The following RBFOX1 variants were observed in gnomAD, a reference collection of about 807,000 sequenced individuals.
RBFOX1 encodes the protein RNA binding fox-1 homolog 1, also known as RNA binding protein fox-1 homolog 1.
A neutral mutation model predicts 57.7 loss-of-function variants in RBFOX1; 8 were observed. That is an observed-to-expected ratio of 0.14 (90% CI 0.08 to 0.25). The LOEUF (loss-of-function observed/expected upper bound fraction) is 0.25, where lower values mean the gene tolerates loss of function less well. RBFOX1 is among the 10% of genes least tolerant of loss of function. RBFOX1 has a pLI of 1.00. For synonymous variants in RBFOX1, 326 were observed against 222.4 expected (o/e 1.47, Z -4.15); for missense variants, 611 against 548.5 (o/e 1.11, Z -1.14).
intron 1 of RBFOX1, among the ~76,000 whole-genome samples, chr16:5,240,823 C>A (rs1194746673): frequency 6.6e-6 from 1 of 152,152 alleles, no homozygotes; most frequent in Non-Finnish European, 1.5e-5. Flanking sequence ...AGCCTGGCCT[C>A]CTGGGGTTCA....
intron 3 of RBFOX1, among the ~76,000 whole-genome samples, chr16:6,815,348 C>G (rs774744059): frequency 3.3e-5 from 5 of 152,150 alleles, no homozygotes; most frequent in Non-Finnish European, 7.3e-5. Flanking sequence ...CTGTCTCATC[C>G]TGTGACTAAG....
intron 4 of RBFOX1, among the ~76,000 whole-genome samples, chr16:7,425,765 G>C (rs1052634405): frequency 2.0e-5 from 3 of 152,174 alleles, no homozygotes; most frequent in Non-Finnish European, 2.9e-5. Context: ...ATCCTCCCTT[G>C]AACTGGGGAG....
chr16:7,558,802 C>T (rs1339477951), intron 5 of RBFOX1, among the ~76,000 whole-genome samples: 1 of 152,108 alleles, frequency 6.6e-6, no homozygotes, highest in African/African-American at 2.4e-5. Flanking sequence ...TGAGCCAATG[C>T]CATAAGCCTT....
chr16:6,717,662 T>G (rs1433553599), intron 3 of RBFOX1, among the ~76,000 whole-genome samples: 1 of 151,986 alleles, frequency 6.6e-6, no homozygotes, highest in African/African-American at 2.4e-5. Context: ...GCTCAGCAAG[T>G]GTCTTCAGAG....
chr16:6,111,634 A>G (rs1027774227), intron 1 of RBFOX1, among the ~76,000 whole-genome samples: 3 of 152,222 alleles, frequency 2.0e-5, no homozygotes, highest in Admixed American at 1.3e-4. Flanking sequence ...AATGTGAGTC[A>G]TTGGCGGTAA....
chr16:7,168,720 T>A lies in RBFOX1; in HGVS notation c.27+116622T>A, dbSNP rs191963623. 3.9e-3 allele frequency among the ~76,000 whole-genome samples: 591 copies of A among 152,314 alleles called. 1 individual carries two copies. Among genetic ancestry groups the A allele is most frequent in the Non-Finnish European group, 5.7e-3 (385 of 68,034 alleles). Reference sequence around the variant, plus strand: ...CAAATTTTCTTCCTAGATTTACTCTTCAGTCCCTAAAAATATCCATAACAC... The same window carrying A: ...CAAATTTTCTTCCTAGATTTACTCTACAGTCCCTAAAAATATCCATAACAC... On this transcript the variant is annotated intron_variant, in intron 4 of 15. Coordinates refer to ENST00000550418, the MANE Select transcript of RBFOX1 (RefSeq NM_018723.4).
intron 1 of RBFOX1, among the ~76,000 whole-genome samples, chr16:6,256,235 GTA>G (rs1296363561): frequency 0.014 from 1,010 of 72,736 alleles, 27 homozygotes; most frequent in African/African-American, 0.036. Flanking sequence ...ATATATATGT[GTA>G]TATATATATG....
intron 4 of RBFOX1, among the ~76,000 whole-genome samples, chr16:7,420,255 CT>C (rs1454704757): frequency 2.0e-5 from 3 of 152,146 alleles, no homozygotes; most frequent in Non-Finnish European, 4.4e-5. Flanking sequence ...TAAATAGCCT[CT>C]CGTCCTATTA....
intron 3 of RBFOX1, among the ~76,000 whole-genome samples, chr16:6,665,289 G>T (rs1374756884): frequency 6.6e-6 from 1 of 152,046 alleles, no homozygotes; most frequent in Non-Finnish European, 1.5e-5. Context: ...AGTGGGATGG[G>T]GTCCAGCTAA....
intron 3 of RBFOX1, among the ~76,000 whole-genome samples, chr16:6,970,278 A>G (rs79351557): frequency 0.12 from 19,029 of 152,238 alleles, 1,273 homozygotes; most frequent in South Asian, 0.23. Context: ...GGTACTTTCA[A>G]TGACCCAACA....
intron 4 of RBFOX1, among the ~76,000 whole-genome samples, chr16:5,944,129 C>G (rs926551811): frequency 3.9e-5 from 6 of 152,160 alleles, no homozygotes; most frequent in Non-Finnish European, 8.8e-5. Context: ...AGTGAACAAG[C>G]CTTAGTTCAT....
chr16:5,496,730 G>T (rs1244163655), intron 2 of RBFOX1, among the ~76,000 whole-genome samples: 4 of 152,176 alleles, frequency 2.6e-5, no homozygotes, highest in Non-Finnish European at 2.9e-5. Flanking sequence ...CAGAGAGCTT[G>T]GCTTTTGTTA....
At chr16:6,393,738 A>G (rs895314976) in intron 2 of RBFOX1, among the ~76,000 whole-genome samples, 9 of 152,286 alleles carry the variant, frequency 5.9e-5, no homozygotes, top group African/African-American at 1.4e-4. Context: ...AGGAAAGGCA[A>G]GGCTGTGTGT....
intron 3 of RBFOX1, among the ~76,000 whole-genome samples, chr16:5,783,628 C>G (rs1486520088): frequency 6.6e-6 from 1 of 152,170 alleles, no homozygotes; most frequent in Non-Finnish European, 1.5e-5. Context: ...CACACCATTT[C>G]CCCTGCTTTT....
At chr16:6,193,368 ATATATATACATTATATATATATAC>A (rs2097155237) in intron 1 of RBFOX1, among the ~76,000 whole-genome samples, 2 of 114,302 alleles carry the variant, frequency 1.7e-5, no homozygotes, top group African/African-American at 6.7e-5. Flanking sequence ...ATATATATAT[ATATATATACATTATATATATATAC>A]TATATATATA....
At chr16:5,257,749 C>T (rs549946495) in intron 1 of RBFOX1, among the ~76,000 whole-genome samples, 6 of 152,278 alleles carry the variant, frequency 3.9e-5, no homozygotes, top group African/African-American at 1.4e-4. Flanking sequence ...CCCCACGCTT[C>T]CCTCCCTGCC....
chr16:7,099,130 ATAG>A (rs1301059649), intron 4 of RBFOX1, among the ~76,000 whole-genome samples: 1 of 152,098 alleles, frequency 6.6e-6, no homozygotes, highest in Non-Finnish European at 1.5e-5. Flanking sequence ...GAGATGGCAG[ATAG>A]TAGCTGTTTA....
Position 7,139,628 on chromosome 16 carries a change from G to A in RBFOX1, c.27+87530G>A, listed in dbSNP as rs536165490. ...ATGGTGAGGAAAGGATCAGAGACCT[G>A]AGTCCACCCTCGACAGTTTCAGTTT... On this transcript the variant is annotated intron_variant, in intron 4 of 15. Coordinates refer to ENST00000550418, the MANE Select transcript of RBFOX1 (RefSeq NM_018723.4). Among the ~76,000 whole-genome samples the A allele has an allele frequency of 2.1e-3, 323 of 152,272 alleles. 3 individuals carry two copies. The highest frequency in any genetic ancestry group is 7.5e-3 in the African/African-American group (310 of 41,550).
intron 10 of RBFOX1, among the ~76,000 whole-genome samples, chr16:7,624,702 C>A (rs945943422): frequency 6.6e-6 from 1 of 152,196 alleles, no homozygotes; most frequent in Admixed American, 6.5e-5. Flanking sequence ...CTAGGGTTCT[C>A]CTCTTAGCCT....
Sources: allele counts gnomAD v4.1 joint callset (sites outside exome capture counted in the v4.1 genomes callset), GRCh38; gene constraint gnomAD v4.1.1; transcripts MANE v1.5; gene names NCBI Gene and HGNC (gene_info 2026-07-23, HGNC 2026-07-21).